Variants in LRCH1 observed in about 807,000 individuals in gnomAD.
The protein encoded by LRCH1 is leucine-rich repeat and calponin homology domain-containing protein 1.
A neutral mutation model predicts 94.9 loss-of-function variants in LRCH1; 23 were observed. The ratio of observed to expected loss-of-function variants is 0.24; its 90% confidence interval spans 0.17 to 0.34. The LOEUF (loss-of-function observed/expected upper bound fraction) is 0.34, where lower values mean the gene tolerates loss of function less well. Ranked by LOEUF, LRCH1 falls within the 10% of genes least tolerant of loss-of-function variation. The pLI is 1.00. For synonymous variants in LRCH1, 364 were observed against 354.9 expected (o/e 1.03, Z -0.29); for missense variants, 790 against 945.9 (o/e 0.84, Z 2.16).
intron 16 of LRCH1, among the ~76,000 whole-genome samples, chr13:46,719,136 AT>A (rs1444633034): frequency 1.9e-5 from 1 of 51,934 alleles, no homozygotes; most frequent in African/African-American, 5.6e-5. Context: ...TTGCTTTCAT[AT>A]AACATTTATT....
At chr13:46,748,277 A>AT (rs202046957), downstream of LRCH1, among the ~76,000 whole-genome samples, 771 of 143,610 alleles carry the variant, frequency 5.4e-3, 5 homozygotes, top group African/African-American at 0.016. Context: ...GGTGTTGTAG[A>AT]TTTTTTTTTT....
rs113395546 is a variant in LRCH1 at position 46,680,874 on chromosome 13, A to G, written c.580-867A>G. 1.6e-4 allele frequency among the ~76,000 whole-genome samples: 24 copies of G among 152,320 alleles called. 1 individual carries two copies. The highest frequency in any genetic ancestry group is 4.8e-4 in the African/African-American group (20 of 41,556). ...TCCAAGGCGGAGACTGATGTATGGA[A>G]ACCAGTCAGGAGATCATGATAGCAC... On this transcript the variant is annotated intron_variant, in intron 3 of 19. Coordinates refer to ENST00000389797, the MANE Select transcript of LRCH1 (RefSeq NM_001164211.2).
intron 1 of LRCH1, among the ~76,000 whole-genome samples, chr13:46,636,059 CTTTTTTTTT>C (rs34118906): frequency 4.1e-5 from 3 of 73,586 alleles, no homozygotes; most frequent in Admixed American, 2.2e-4. Context: ...CCATGTCAAC[CTTTTTTTTT>C]TTTTTTTTTT....
At chr13:46,601,969 T>G (rs530662182) in intron 1 of LRCH1, among the ~76,000 whole-genome samples, 6 of 152,358 alleles carry the variant, frequency 3.9e-5, no homozygotes, top group Non-Finnish European at 8.8e-5. Flanking sequence ...GTAGTTGGAT[T>G]TGTAACCTGA....
intron 17 of LRCH1, among the ~76,000 whole-genome samples, chr13:46,728,432 C>T (rs1359512970): frequency 6.6e-6 from 1 of 151,588 alleles, no homozygotes; most frequent in Non-Finnish European, 1.5e-5. Flanking sequence ...GCCAGGCTGG[C>T]CTTGAACTCC....
chr13:46,727,765 A>G (rs1872893856), intron 17 of LRCH1, among the ~76,000 whole-genome samples: 1 of 152,182 alleles, frequency 6.6e-6, no homozygotes, highest in Non-Finnish European at 1.5e-5. Context: ...AAATTGGGCA[A>G]AGGGTACGTG....
chr13:46,649,784 G>A (rs551592835), intron 1 of LRCH1, among the ~76,000 whole-genome samples: 5 of 150,962 alleles, frequency 3.3e-5, no homozygotes, highest in Admixed American at 6.6e-5. Flanking sequence ...AGCTGAAATC[G>A]TGCCACTGCA....
intron 7 of LRCH1, among the ~76,000 whole-genome samples, chr13:46,689,646 A>T (rs745800740): frequency 6.6e-6 from 1 of 152,180 alleles, no homozygotes; most frequent in Non-Finnish European, 1.5e-5. Context: ...GTTGATCCAC[A>T]GGAAATGCAT....
chr13:46,698,461 G>C (rs1485224603), intron 9 of LRCH1, among the ~76,000 whole-genome samples: 1 of 136,732 alleles, frequency 7.3e-6, no homozygotes, highest in Non-Finnish European at 1.5e-5. Context: ...AAAGTGGGGT[G>C]ACAGTGCAGG....
rs182362776 is a variant in LRCH1, at chr13:46,619,390, G to A, written c.308-30811G>A. On this transcript the variant is annotated intron_variant, in intron 1 of 19. Transcript: ENST00000389797. ...CTCCCAAAGTGCTGGGACTACAGGC[G>A]TGACCCACCACGCCTGGCCTAAAGT... Among the ~76,000 whole-genome samples, 12 of 152,222 alleles carry A rather than the reference G, an allele frequency of 7.9e-5. No individual in the cohort carries two copies. In the East Asian group the frequency reaches 2.1e-3, roughly 27 times the overall value.
intron 2 of LRCH1, among the ~76,000 whole-genome samples, chr13:46,668,504 G>A (rs1004183196): frequency 6.6e-6 from 1 of 152,216 alleles, no homozygotes; most frequent in Non-Finnish European, 1.5e-5. Context: ...TTGGAAATGA[G>A]CCCGGTGGTT....
chr13:46,698,514 A>G lies in LRCH1; in HGVS notation c.1246-822A>G, dbSNP rs1438786132. 4.6e-5 allele frequency among the ~76,000 whole-genome samples: 7 copies of G among 152,148 alleles called. No individual in the cohort carries two copies. In the East Asian group the frequency reaches 1.2e-3, roughly 25 times the overall value. On this transcript the variant is annotated intron_variant, in intron 9 of 19. Coordinates refer to ENST00000389797, the MANE Select transcript of LRCH1 (RefSeq NM_001164211.2). ...TCTGGATGTTGTACACGTGAAAACT[A>G]TTAGATGCAATCAGAAGCACTTTTC...
At chr13:46,638,896 T>C (rs2138059626) in intron 1 of LRCH1, among the ~76,000 whole-genome samples, 1 of 152,352 alleles carries the variant, frequency 6.6e-6, no homozygotes, top group Admixed American at 6.5e-5. Flanking sequence ...AGTTTTGGCT[T>C]TCCTTATGTT....
intron 1 of LRCH1, among the ~76,000 whole-genome samples, chr13:46,581,561 A>G (rs561914958): frequency 2.1e-4 from 32 of 152,320 alleles, no homozygotes; most frequent in African/African-American, 7.2e-4. Flanking sequence ...CGAGAACTCT[A>G]TAAGACAAAG....
In LRCH1 at chr13:46,686,329, G is replaced by A. The variant is rs191473037; in HGVS notation, c.822+288G>A. Among the ~76,000 whole-genome samples, 240 of 152,310 alleles carry A rather than the reference G, an allele frequency of 1.6e-3. 1 individual carries two copies. Among genetic ancestry groups the A allele is most frequent in the Non-Finnish European group, 2.6e-3 (179 of 68,026 alleles). ...GAGTATGATCTCATGTTAATAGACTGAGTGAGGAAACCCAGCAGGGCCTGT... is the reference window on the plus strand; with the variant it reads ...GAGTATGATCTCATGTTAATAGACTAAGTGAGGAAACCCAGCAGGGCCTGT... On this transcript the variant is annotated intron_variant, in intron 5 of 19. Transcript: ENST00000389797.
chr13:46,723,290 A>T lies in LRCH1; in HGVS notation c.1829A>T (p.Gln610Leu). Reference sequence around the variant, plus strand: ...TTTACAATCCGGAGGAAAATGGAGCAGATGAGAGAAGAGAAAGAGCTGGTG... The same window carrying T: ...TTTACAATCCGGAGGAAAATGGAGCTGATGAGAGAAGAGAAAGAGCTGGTG... ...PQFTIRRKMEQMREEKELVEQ... is the reference protein window; with the variant it reads ...PQFTIRRKMELMREEKELVEQ... The change falls in exon 17 of 20, where the codon CAG becomes CTG. Residue 610 changes from glutamine to leucine, a missense_variant. Gln to Leu is a moderately radical substitution (Grantham distance 113). This residue lies in a region of LRCH1 where 460 missense variants were observed against 508.9 expected (regional missense o/e 0.90). Transcript: ENST00000389797. The T allele has an allele frequency of 6.2e-7, 1 of 1,613,834 alleles. No individual in the cohort carries two copies. The highest frequency in any genetic ancestry group is 1.3e-5 in the African/African-American group (1 of 75,066).
At chr13:46,553,818 A>C in intron 1 of LRCH1, 115 bp downstream of exon 1, 3 of 1,530,062 alleles carry the variant, frequency 2.0e-6, no homozygotes, top group Non-Finnish European at 2.6e-6. Context: ...GGGAGGGTCC[A>C]TCGGCCCGTT....
chr13:46,638,753 C>T (rs1457484494), intron 1 of LRCH1, among the ~76,000 whole-genome samples: 1 of 152,060 alleles, frequency 6.6e-6, no homozygotes, highest in Non-Finnish European at 1.5e-5. Context: ...CACATTGTAT[C>T]AAAATAAAAA....
At chr13:46,598,226 G>A (rs1030837098) in intron 1 of LRCH1, among the ~76,000 whole-genome samples, 8 of 152,160 alleles carry the variant, frequency 5.3e-5, no homozygotes, top group South Asian at 4.2e-4. Flanking sequence ...GGCATACAGC[G>A]TATGTACTCT....
Sources: gnomAD v4.1 joint callset for allele counts (sites outside exome capture counted in the v4.1 genomes callset) on GRCh38, gnomAD v4.1.1 for gene constraint, gnomAD v4.1.1 regional missense constraint, MANE v1.5 for transcripts, NCBI Gene and HGNC (gene_info 2026-07-23, HGNC 2026-07-21) for gene names.